OLR1: variants seen among roughly 807,000 people sequenced by gnomAD.
The protein encoded by OLR1 is oxidized low-density lipoprotein receptor 1.
In OLR1, 23 loss-of-function variants were observed where a neutral mutation model predicts 31.7. That is an observed-to-expected ratio of 0.72 (90% CI 0.52 to 1.03). The LOEUF (loss-of-function observed/expected upper bound fraction) is 1.03. Among genes scored for constraint, OLR1 ranks in the 50% least tolerant of loss-of-function variants. The pLI is 0.00. For missense variants in OLR1, 286 were observed against 315.7 expected (o/e 0.91, Z 0.71); for synonymous variants, 117 against 115.8 (o/e 1.01, Z -0.07).
At chr12:10,170,452 C>A (rs1948703028) in intron 1 of OLR1, 1 of 149,884 alleles carries the variant, frequency 6.7e-6, no homozygotes. Flanking sequence ...GGTCACTGTT[C>A]ATTCCACATT....
At position 10,159,390 on chromosome 12, in the gene OLR1, T is replaced by A. The variant is rs1197107972; in HGVS notation, c.*490A>T. 1 of 154,310 alleles carries A rather than the reference T, an allele frequency of 6.5e-6. No homozygotes were observed. The highest frequency in any genetic ancestry group is 1.4e-5 in the Non-Finnish European group (1 of 69,088). The allele number at this position is 154,310 out of a possible 1,614,324, so 9.6% of individuals were successfully genotyped here. A position where few individuals can be genotyped will look rare whatever the true frequency, so the allele number is the denominator to read the frequency against. On this transcript the variant is annotated 3_prime_UTR_variant, in exon 6 of 6. Transcript: ENST00000309539. Reference sequence around the variant, plus strand: ...AAAAACCAAGGATTGATACCTTTTTTAAAGTTAAGAACATGAGTTTCTTGA... The same window carrying A: ...AAAAACCAAGGATTGATACCTTTTTAAAAGTTAAGAACATGAGTTTCTTGA...
Position 10,172,073 on chromosome 12 carries a change from G to T in OLR1, c.5C>A (p.Thr2Asn). The stretch of plus-strand genomic sequence containing the variant: ...AGTCTGGATCTTTAGGTCATCAAAA[G>T]TCATTTCCAAATTCAAGCTAAGAAT... MTFDDLKIQTVK... is the reference protein window; with the variant it reads MNFDDLKIQTVK... Residue 2 changes from threonine to asparagine, a missense_variant, in exon 1 of 6, where the codon ACT becomes AAT. Physicochemically the swap from Thr to Asn is moderately conservative, Grantham distance 65. Coordinates refer to ENST00000309539, the MANE Select transcript of OLR1 (RefSeq NM_002543.4). 1 of 1,613,012 alleles carries T rather than the reference G, an allele frequency of 6.2e-7. No homozygotes were observed. Among genetic ancestry groups the T allele is most frequent in the Non-Finnish European group, 8.5e-7 (1 of 1,179,200 alleles).
chr12:10,175,053 A>T (rs1398696061), upstream of OLR1, among the ~76,000 whole-genome samples: 1 of 152,168 alleles, frequency 6.6e-6, no homozygotes, highest in Non-Finnish European at 1.5e-5. Flanking sequence ...TGTGTGGCAG[A>T]TAACTGGACA....
At chr12:10,167,622 C>G (rs1948673867) in intron 2 of OLR1, 1 of 152,196 alleles carries the variant, frequency 6.6e-6, no homozygotes, top group Non-Finnish European at 1.5e-5. Context: ...GCGATTTACT[C>G]TATTTATGTC....
At chr12:10,175,026 A>G (rs1028930705), upstream of OLR1, among the ~76,000 whole-genome samples, 1 of 152,154 alleles carries the variant, frequency 6.6e-6, no homozygotes, top group African/African-American at 2.4e-5. Context: ...GATCAGTGGG[A>G]TAGTTTCTAC....
chr12:10,160,332 G>A lies in OLR1; in HGVS notation c.680+15C>T. ...AAACTGACGAGAGAGGCATCAAAAA[G>A]AATGGGAAACTTACAAGTGGGGCAT... On this transcript the variant is annotated intron_variant, in intron 5 of 5. Transcript: ENST00000309539. 2 of 1,595,340 alleles carry A rather than the reference G, an allele frequency of 1.3e-6. No individual in the cohort carries two copies. Among genetic ancestry groups the A allele is most frequent in the Middle Eastern group, 3.3e-4 (2 of 6,024 alleles).
upstream of OLR1, among the ~76,000 whole-genome samples, chr12:10,173,701 T>C (rs1312372835): frequency 6.6e-6 from 1 of 150,522 alleles, no homozygotes; most frequent in East Asian, 2.0e-4. Flanking sequence ...ATGCTTTTCA[T>C]TTTCAGTGAG....
intron 2 of OLR1, among the ~76,000 whole-genome samples, chr12:10,167,857 A>C (rs1336675677): frequency 3.9e-5 from 6 of 152,136 alleles, no homozygotes; most frequent in Non-Finnish European, 5.9e-5. Context: ...TAACATGTTA[A>C]GGGTCAAATG....
Position 10,158,544 on chromosome 12 carries a change from A to G in OLR1, c.*1336T>C, listed in dbSNP as rs1030034360. The G allele has an allele frequency of 2.0e-5, 3 of 152,190 alleles. No individual in the cohort carries two copies. The highest frequency in any genetic ancestry group is 4.4e-5 in the Non-Finnish European group (3 of 68,034). 9.4% of individuals were successfully genotyped at this position (152,190 alleles called of 1,614,324 possible). ...TACTATATGATTCCATTCACATAAAACTACAAAATGCAAAATGAAAGCCGA... is the reference window on the plus strand; with the variant it reads ...TACTATATGATTCCATTCACATAAAGCTACAAAATGCAAAATGAAAGCCGA... On this transcript the variant is annotated 3_prime_UTR_variant, in exon 6 of 6. Coordinates refer to ENST00000309539, the MANE Select transcript of OLR1 (RefSeq NM_002543.4).
chr12:10,159,862 C>T lies in OLR1; in HGVS notation c.*18G>A. The T allele has an allele frequency of 6.3e-7, 1 of 1,585,020 alleles. No individual in the cohort carries two copies. Among genetic ancestry groups the T allele is most frequent in the Non-Finnish European group, 8.6e-7 (1 of 1,165,014 alleles). ...TAAAACTCAAAGACTTTTTTCTTTT[C>T]TTCCAGAGCCTTCAAATTCACTGTG... On this transcript the variant is annotated 3_prime_UTR_variant, in exon 6 of 6. Coordinates refer to ENST00000309539, the MANE Select transcript of OLR1 (RefSeq NM_002543.4).
chr12:10,171,500 G>A (rs536680433), intron 1 of OLR1, among the ~76,000 whole-genome samples: 1 of 152,160 alleles, frequency 6.6e-6, no homozygotes, highest in Non-Finnish European at 1.5e-5. Context: ...AATTCATGAG[G>A]TACTTCAGGT....
At chr12:10,166,515 G>A (rs1022183920) in intron 3 of OLR1, among the ~76,000 whole-genome samples, 197 bp downstream of exon 3, 2 of 145,996 alleles carry the variant, frequency 1.4e-5, no homozygotes, top group East Asian at 2.0e-4. Context: ...GCAAAAGAGC[G>A]AAACTCCATC....
chr12:10,173,163 A>G (rs1948737556), upstream of OLR1, among the ~76,000 whole-genome samples: 1 of 152,226 alleles, frequency 6.6e-6, no homozygotes, highest in African/African-American at 2.4e-5. Context: ...AAGTATGTCT[A>G]TATGTATTTA....
rs374536619 is a variant in OLR1, at chr12:10,166,879, G to A, written c.257C>T (p.Ser86Leu). The A allele has an allele frequency of 1.7e-5, 27 of 1,613,666 alleles. No individual in the cohort carries two copies. The highest frequency in any genetic ancestry group is 2.2e-5 in the Non-Finnish European group (26 of 1,179,974). ...HQKKKLEGQI[S>L]ARQQAEEASQ... is the part of the protein sequence containing the mutation. The stretch of plus-strand genomic sequence containing the variant: ...AGCTTCTTCTGCTTGTTGCCGGGCT[G>A]AGATCTGTCCCTCCAGTTTCTTTTT... Residue 86 changes from serine (S) to leucine (L), a missense_variant, in exon 3 of 6, where the codon TCA becomes TTA. By Grantham distance (145) the Ser-to-Leu change is moderately radical. Coordinates refer to ENST00000309539, the MANE Select transcript of OLR1 (RefSeq NM_002543.4).
intron 2 of OLR1, among the ~76,000 whole-genome samples, chr12:10,168,061 T>C (rs917692860): frequency 1.3e-5 from 2 of 152,164 alleles, no homozygotes; most frequent in Admixed American, 1.3e-4. Context: ...TTTGTGAGCT[T>C]GAACAACAGT....
intron 1 of OLR1, among the ~76,000 whole-genome samples, chr12:10,171,728 CT>C (rs973474948): frequency 6.6e-6 from 1 of 152,142 alleles, no homozygotes; most frequent in African/African-American, 2.4e-5. Context: ...TAGTACCAAT[CT>C]CAAAATGTTA....
chr12:10,159,180 T>C lies in OLR1; in HGVS notation c.*700A>G, dbSNP rs1948598618. ...ATCTGTCCTCTGGTAGAAAAAAAAA[T>C]GAAGAAATAATAACTGATTCAGGAA... On this transcript the variant is annotated 3_prime_UTR_variant, in exon 6 of 6. Transcript: ENST00000309539. The C allele has an allele frequency of 6.6e-6, 1 of 151,934 alleles. No individual in the cohort carries two copies. The highest frequency in any genetic ancestry group is 2.4e-5 in the African/African-American group (1 of 41,342). The allele number at this position is 151,934 out of a possible 1,614,324, so 9.4% of individuals were successfully genotyped here.
Position 10,160,573 on chromosome 12 carries a change from A to G in OLR1, c.565-111T>C, listed in dbSNP as rs1233663955. ...TAAAGAACCAAAAGGTATCTTTGAC[A>G]TCCCCTTGACTGTTTTACGGAAACA... On this transcript the variant is annotated intron_variant, in intron 4 of 5. Coordinates refer to ENST00000309539, the MANE Select transcript of OLR1 (RefSeq NM_002543.4). The G allele has an allele frequency of 4.0e-6, 4 of 1,003,640 alleles. No homozygotes were observed. In the East Asian group the frequency reaches 9.9e-5, roughly 25 times the overall value. The allele number at this position is 1,003,640 out of a possible 1,614,324, so 62.2% of individuals were successfully genotyped here.
chr12:10,159,640 G>C lies in OLR1; in HGVS notation c.*240C>G. On this transcript the variant is annotated 3_prime_UTR_variant, in exon 6 of 6. Coordinates refer to ENST00000309539, the MANE Select transcript of OLR1 (RefSeq NM_002543.4). ...ATTTTAAAATAAAAAGGGGAAAATG[G>C]ACTTCAGGCTGGCAGGGAAGCTTGG... 2.8e-6 allele frequency: 1 copy of C among 355,892 alleles called. No homozygotes were observed. The highest frequency in any genetic ancestry group is 6.3e-5 in the South Asian group (1 of 15,774). 22.0% of individuals were successfully genotyped at this position (355,892 alleles called of 1,614,324 possible).
Sources: gnomAD v4.1 joint callset for allele counts (sites outside exome capture counted in the v4.1 genomes callset) on GRCh38, gnomAD v4.1.1 for gene constraint, MANE v1.5 for transcripts, NCBI Gene and HGNC (gene_info 2026-07-23, HGNC 2026-07-21) for gene names.